MAP3K8: variants seen among roughly 807,000 people sequenced by gnomAD.
MAP3K8 encodes the protein Ewing sarcoma transformant.
Under a neutral mutation model 45.8 loss-of-function variants are expected in MAP3K8, and 22 were observed. That is an observed-to-expected ratio of 0.48 (90% CI 0.34 to 0.69). The LOEUF (loss-of-function observed/expected upper bound fraction) is 0.69. Among genes scored for constraint, MAP3K8 ranks in the 30% least tolerant of loss-of-function variants. MAP3K8 has a pLI of 0.01. For synonymous variants in MAP3K8, 223 were observed against 214.3 expected, an observed-to-expected ratio of 1.04 and a Z score of -0.36; for missense variants, 419 against 585.0, an observed-to-expected ratio of 0.72 and a Z score of 2.93.
chr10:30,458,625 TCC>T (rs2132835513), intron 7 of MAP3K8, among the ~76,000 whole-genome samples: 1 of 152,354 alleles, frequency 6.6e-6, no homozygotes, highest in South Asian at 2.1e-4. Flanking sequence ...AACATGCAAT[TCC>T]CATTTTACTG....
chr10:30,459,851 C>CT (rs984857853), intron 8 of MAP3K8, among the ~76,000 whole-genome samples: 13 of 149,616 alleles, frequency 8.7e-5, no homozygotes, highest in Non-Finnish European at 1.2e-4. Context: ...CTTTTTTTTT[C>CT]TTTTTTTTTG....
chr10:30,453,555 G>T (rs1836623266), intron 6 of MAP3K8, among the ~76,000 whole-genome samples: 1 of 152,124 alleles, frequency 6.6e-6, no homozygotes, highest in South Asian at 2.1e-4. Flanking sequence ...ACATCATTAG[G>T]CTGACTGGGT....
intron 7 of MAP3K8, 53 bp from the exon 8 acceptor site, chr10:30,459,202 G>T (rs1836848062): frequency 6.2e-7 from 1 of 1,606,928 alleles, no homozygotes; most frequent in Non-Finnish European, 8.5e-7. Flanking sequence ...TGCTTTTGCT[G>T]TTGAGGGTGT....
chr10:30,458,271 G>GGGT, intron 7 of MAP3K8, 35 bp downstream of exon 7: 1 of 1,367,060 alleles, frequency 7.3e-7, no homozygotes, highest in African/African-American at 1.5e-5. Flanking sequence ...GGGGCGGCGG[G>GGGT]GGGGGGCGTT....
intron 3 of MAP3K8, among the ~76,000 whole-genome samples, chr10:30,443,209 TG>T (rs8176985): frequency 0.083 from 12,587 of 152,210 alleles, 1,708 homozygotes; most frequent in African/African-American, 0.28. Flanking sequence ...GACCCTGGGC[TG>T]GTCATTTCAC....
chr10:30,449,284 G>A (rs537209064), intron 4 of MAP3K8, among the ~76,000 whole-genome samples: 7 of 152,032 alleles, frequency 4.6e-5, no homozygotes, highest in African/African-American at 1.4e-4. Context: ...TAGCTCTGTC[G>A]CCCAGGCTGG....
chr10:30,434,319 C>G lies in MAP3K8; in HGVS notation c.-314C>G, dbSNP rs1358054025. The G allele has an allele frequency of 1.1e-5, 4 of 376,222 alleles. No homozygotes were observed. The allele number at this position is 376,222 out of a possible 1,614,324, so 23.3% of individuals were successfully genotyped here. ...CACAGGCCTGCAGCCAGCATCGCAC[C>G]GAACCTTCGGGGGGCCGCGGCTGGA... On this transcript the variant is annotated 5_prime_UTR_variant, in exon 1 of 9. Coordinates refer to ENST00000263056, the MANE Select transcript of MAP3K8 (RefSeq NM_005204.4).
intron 7 of MAP3K8, 65 bp downstream of exon 7, chr10:30,458,301 C>T: frequency 8.4e-7 from 1 of 1,188,644 alleles, no homozygotes; most frequent in Non-Finnish European, 1.1e-6. Context: ...ATCCCGCAGG[C>T]TTGGGAGGGA....
At chr10:30,456,036 T>G (rs1017070805) in intron 6 of MAP3K8, among the ~76,000 whole-genome samples, 4 of 152,168 alleles carry the variant, frequency 2.6e-5, no homozygotes, top group Non-Finnish European at 4.4e-5. Context: ...ACATAGAACC[T>G]GCAGAGCCAC....
chr10:30,455,863 C>G (rs144875558), intron 6 of MAP3K8, among the ~76,000 whole-genome samples: 21 of 152,300 alleles, frequency 1.4e-4, no homozygotes, highest in Admixed American at 1.3e-3. Flanking sequence ...CCAGAGTGCT[C>G]GAACATTATG....
At chr10:30,449,338 G>T (rs141771840) in intron 4 of MAP3K8, among the ~76,000 whole-genome samples, 64 of 152,204 alleles carry the variant, frequency 4.2e-4, no homozygotes, top group African/African-American at 1.4e-3. Flanking sequence ...TCTGTCTCCC[G>T]GGTTCAAGCG....
intron 3 of MAP3K8, among the ~76,000 whole-genome samples, chr10:30,441,428 A>G (rs1358171086): frequency 6.6e-6 from 1 of 152,216 alleles, no homozygotes; most frequent in Non-Finnish European, 1.5e-5. Context: ...AAGTGTGGGG[A>G]TTATAGGCGT....
At chr10:30,435,946 A>C (rs1835897105) in intron 1 of MAP3K8, among the ~76,000 whole-genome samples, 1 of 152,268 alleles carries the variant, frequency 6.6e-6, no homozygotes, top group African/African-American at 2.4e-5. Flanking sequence ...ACTTGCCAGG[A>C]AACACTCACA....
At chr10:30,447,573 C>T (rs796332872) in intron 3 of MAP3K8, among the ~76,000 whole-genome samples, 5 of 152,230 alleles carry the variant, frequency 3.3e-5, no homozygotes, top group African/African-American at 1.2e-4. Context: ...CAGGTCTGAC[C>T]AGGCACCTGC....
At chr10:30,456,574 A>G (rs1326306693) in intron 6 of MAP3K8, among the ~76,000 whole-genome samples, 3 of 152,216 alleles carry the variant, frequency 2.0e-5, no homozygotes, top group Admixed American at 1.3e-4. Flanking sequence ...CAGACAGTGT[A>G]CAAGCTGTTT....
intron 3 of MAP3K8, among the ~76,000 whole-genome samples, chr10:30,444,950 A>G (rs1478248349): frequency 1.3e-5 from 2 of 152,182 alleles, no homozygotes; most frequent in Non-Finnish European, 2.9e-5. Flanking sequence ...TCATCTGTGA[A>G]ATGGAGATAA....
intron 4 of MAP3K8, among the ~76,000 whole-genome samples, chr10:30,449,510 CTGTTT>C (rs764860735): frequency 5.9e-5 from 9 of 152,100 alleles, no homozygotes; most frequent in Admixed American, 1.3e-4. Flanking sequence ...TTTTGTATGT[CTGTTT>C]TACTTTAATT....
At chr10:30,436,630 C>T (rs1412251205) in intron 1 of MAP3K8, among the ~76,000 whole-genome samples, 1 of 151,338 alleles carries the variant, frequency 6.6e-6, no homozygotes, top group Non-Finnish European at 1.5e-5. Flanking sequence ...AATCTCCAGT[C>T]CTCACAGGAA....
chr10:30,436,445 C>G (rs1835910503), intron 1 of MAP3K8, among the ~76,000 whole-genome samples: 1 of 152,096 alleles, frequency 6.6e-6, no homozygotes. Flanking sequence ...TCAGACACTC[C>G]TCCACCTCCC....
Sources: allele counts gnomAD v4.1 joint callset (sites outside exome capture counted in the v4.1 genomes callset), GRCh38; gene constraint gnomAD v4.1.1; transcripts MANE v1.5; gene names NCBI Gene and HGNC (gene_info 2026-07-23, HGNC 2026-07-21).